SLC35F1: variants seen among roughly 807,000 people sequenced by gnomAD.
The protein encoded by SLC35F1 is solute carrier family 35 member F1, also known as chromosome 6 open reading frame 169.
Under a neutral mutation model 48.7 loss-of-function variants are expected in SLC35F1, and 14 were observed. The observed-to-expected ratio is 0.29, with a 90% CI of 0.19 to 0.45. The LOEUF (loss-of-function observed/expected upper bound fraction) is 0.45, where lower values mean the gene tolerates loss of function less well. Among genes scored for constraint, SLC35F1 ranks in the 20% least tolerant of loss-of-function variants. SLC35F1 has a pLI of 1.00. For synonymous variants in SLC35F1, 190 were observed against 202.2 expected (o/e 0.94, Z 0.51); for missense variants, 404 against 500.0 (o/e 0.81, Z 1.83).
At position 117,938,530 on chromosome 6, in the gene SLC35F1, G is replaced by GC. The variant is rs1448300654; in HGVS notation, c.173+30637dup. Among the ~76,000 whole-genome samples the GC allele has an allele frequency of 2.6e-5, 4 of 152,154 alleles. No homozygotes were observed. The South Asian group carries it at 8.3e-4, about 32-fold the overall frequency. On this transcript the variant is annotated intron_variant, in intron 1 of 7. Coordinates refer to ENST00000360388, the MANE Select transcript of SLC35F1 (RefSeq NM_001029858.4). ...AGGGCTCACTGCCCCCAGCCCACCT[G>GC]CCCCCCTGATTGGCATTTTGCCAGC...
chr6:118,162,123 A>G (rs1311393103), intron 2 of SLC35F1, among the ~76,000 whole-genome samples: 1 of 152,220 alleles, frequency 6.6e-6, no homozygotes, highest in Non-Finnish European at 1.5e-5. Flanking sequence ...AGTGCCCATC[A>G]GCTTATGAAA....
chr6:117,930,682 T>C (rs968379854), intron 1 of SLC35F1, among the ~76,000 whole-genome samples: 3 of 152,146 alleles, frequency 2.0e-5, no homozygotes, highest in African/African-American at 7.2e-5. Context: ...GAAATATGAC[T>C]GTTTGTATTC....
chr6:117,977,501 G>C (rs1163763352), intron 1 of SLC35F1, among the ~76,000 whole-genome samples: 4 of 151,824 alleles, frequency 2.6e-5, no homozygotes, highest in Non-Finnish European at 5.9e-5. Flanking sequence ...GGATTTTTTT[G>C]ATTCCTAGGG....
chr6:118,304,542 C>T (rs1776290142), intron 7 of SLC35F1, among the ~76,000 whole-genome samples: 1 of 152,054 alleles, frequency 6.6e-6, no homozygotes, highest in Non-Finnish European at 1.5e-5. Context: ...TTTAAATAGC[C>T]AGTTCCATAA....
rs144024250 is a variant in SLC35F1 at position 118,271,793 on chromosome 6, C to T, written c.638-3666C>T. ...AGGAGCAATCCAAAATGAGAAATGCCCAACCCAAAGAGACAGGTGCTTCAG... is the reference window on the plus strand; with the variant it reads ...AGGAGCAATCCAAAATGAGAAATGCTCAACCCAAAGAGACAGGTGCTTCAG... On this transcript the variant is annotated intron_variant, in intron 4 of 7. Transcript: ENST00000360388. Among the ~76,000 whole-genome samples the T allele has an allele frequency of 1.4e-4, 22 of 152,210 alleles. 1 individual carries two copies. The East Asian group carries it at 3.1e-3, about 21-fold the overall frequency.
At chr6:117,985,469 A>T (rs1290635419) in intron 1 of SLC35F1, among the ~76,000 whole-genome samples, 1 of 152,228 alleles carries the variant, frequency 6.6e-6, no homozygotes, top group Non-Finnish European at 1.5e-5. Context: ...CTCAACTTGT[A>T]TGCAGAGTTG....
At chr6:118,298,336 TTC>T (rs1776216759) in intron 7 of SLC35F1, among the ~76,000 whole-genome samples, 1 of 152,002 alleles carries the variant, frequency 6.6e-6, no homozygotes, top group Non-Finnish European at 1.5e-5. Context: ...TATCTCAGGG[TTC>T]TCTTTGACAA....
chr6:118,209,527 A>G (rs1175379840), intron 2 of SLC35F1, among the ~76,000 whole-genome samples: 1 of 152,202 alleles, frequency 6.6e-6, no homozygotes, highest in Non-Finnish European at 1.5e-5. Context: ...AATAACTGCT[A>G]CAGAGTCTAA....
intron 5 of SLC35F1, among the ~76,000 whole-genome samples, chr6:118,276,660 T>C (rs1345894901): frequency 6.6e-6 from 1 of 152,204 alleles, no homozygotes; most frequent in Non-Finnish European, 1.5e-5. Flanking sequence ...AATTATCTAG[T>C]TCAACTATTC....
chr6:118,108,659 G>A (rs1773356496), intron 1 of SLC35F1, among the ~76,000 whole-genome samples: 1 of 152,150 alleles, frequency 6.6e-6, no homozygotes, highest in African/African-American at 2.4e-5. Flanking sequence ...AATACCTTAT[G>A]TGTTGTTGCA....
intron 6 of SLC35F1, among the ~76,000 whole-genome samples, chr6:118,279,048 A>G (rs1054533985): frequency 6.6e-6 from 1 of 152,228 alleles, no homozygotes; most frequent in Admixed American, 6.5e-5. Context: ...AGAGCCATCC[A>G]TTTAATTTCT....
intron 1 of SLC35F1, among the ~76,000 whole-genome samples, chr6:118,142,202 C>T (rs546972133): frequency 6.6e-6 from 1 of 152,250 alleles, no homozygotes; most frequent in East Asian, 1.9e-4. Flanking sequence ...ACCTCATAAA[C>T]CAGCTTGAGT....
At position 118,291,582 on chromosome 6, in the gene SLC35F1, A is replaced by G. The variant is rs77133399; in HGVS notation, c.1002+6244A>G. Reference sequence around the variant, plus strand: ...ACACTTTAAATTTATCTATTTGGTTAAACCTGTATAAACATGAAAGGAACC... The same window carrying G: ...ACACTTTAAATTTATCTATTTGGTTGAACCTGTATAAACATGAAAGGAACC... On this transcript the variant is annotated intron_variant, in intron 7 of 7. Coordinates refer to ENST00000360388, the MANE Select transcript of SLC35F1 (RefSeq NM_001029858.4). 7.3e-3 allele frequency among the ~76,000 whole-genome samples: 1,118 copies of G among 152,288 alleles called. 8 individuals are homozygous for G. Among genetic ancestry groups the G allele is most frequent in the African/African-American group, 0.025 (1,059 of 41,554 alleles).
At chr6:118,013,976 C>T (rs186064330) in intron 1 of SLC35F1, among the ~76,000 whole-genome samples, 4 of 152,068 alleles carry the variant, frequency 2.6e-5, no homozygotes, top group Admixed American at 6.6e-5. Context: ...AGTTTACAGT[C>T]GTGGCTTATT....
At chr6:118,235,681 G>A (rs1775355445) in intron 3 of SLC35F1, 45 bp downstream of exon 3, 1 of 1,592,818 alleles carries the variant, frequency 6.3e-7, no homozygotes, top group Admixed American at 1.8e-5. Context: ...CTATCCAGAT[G>A]TAGTTTACTT....
chr6:118,226,402 C>T (rs1484770483), intron 2 of SLC35F1, among the ~76,000 whole-genome samples: 2 of 152,082 alleles, frequency 1.3e-5, no homozygotes, highest in Admixed American at 1.3e-4. Flanking sequence ...AAAGAGTTAT[C>T]TGCGTTTCTG....
At chr6:118,172,016 A>G (rs551794187) in intron 2 of SLC35F1, among the ~76,000 whole-genome samples, 17 of 152,314 alleles carry the variant, frequency 1.1e-4, no homozygotes, top group African/African-American at 4.1e-4. Context: ...TAGTAGGGCT[A>G]TTAATACTAC....
At chr6:118,264,474 C>A (rs1445102509) in intron 3 of SLC35F1, among the ~76,000 whole-genome samples, 1 of 152,186 alleles carries the variant, frequency 6.6e-6, no homozygotes, top group Non-Finnish European at 1.5e-5. Context: ...TTTGCACTTA[C>A]CCACAGGACC....
intron 1 of SLC35F1, among the ~76,000 whole-genome samples, chr6:118,040,946 T>A (rs1003245874): frequency 6.6e-6 from 1 of 152,132 alleles, no homozygotes; most frequent in East Asian, 1.9e-4. Flanking sequence ...CAGTTAGGTT[T>A]ATTTTAAAAT....
Sources: allele counts gnomAD v4.1 joint callset (sites outside exome capture counted in the v4.1 genomes callset), GRCh38; gene constraint gnomAD v4.1.1; transcripts MANE v1.5; gene names NCBI Gene and HGNC (gene_info 2026-07-23, HGNC 2026-07-21).